USP42: variants seen among roughly 807,000 people sequenced by gnomAD.
The protein encoded by USP42 is ubiquitin specific peptidase 42, also known as ubiquitin carboxyl-terminal hydrolase 42.
Under a neutral mutation model 113.0 loss-of-function variants are expected in USP42, and 23 were observed. That is an observed-to-expected ratio of 0.20 (90% confidence interval 0.15 to 0.29). The LOEUF is 0.29. Ranked by LOEUF, USP42 falls within the 10% of genes least tolerant of loss-of-function variation. The probability of loss-of-function intolerance (pLI) is 1.00; values close to 1 mark genes in which losing one functional copy is unlikely to be tolerated. For missense variants in USP42, 2,174 were observed against 1,779.8 expected (o/e 1.22, Z -3.99); for synonymous variants, 933 against 699.0 (o/e 1.33, Z -5.28).
chr7:6,124,249 C>T (rs1425035387), intron 3 of USP42, among the ~76,000 whole-genome samples: 2 of 151,796 alleles, frequency 1.3e-5, no homozygotes, highest in East Asian at 3.9e-4. Context: ...TTATTTTTGT[C>T]TGTATATTTA....
chr7:6,145,875 A>G (rs140664318), intron 10 of USP42, among the ~76,000 whole-genome samples: 9 of 152,064 alleles, frequency 5.9e-5, no homozygotes, highest in African/African-American at 1.7e-4. Context: ...TTCAAGACCA[A>G]CCTGGCCAAC....
the USP42 span, among the ~76,000 whole-genome samples, chr7:6,096,211 G>A: frequency 6.6e-6 from 1 of 151,178 alleles, no homozygotes; most frequent in Non-Finnish European, 1.5e-5. Flanking sequence ...GGTGGCTCAC[G>A]CCTGTAATCC....
Position 6,154,092 on chromosome 7 carries a change from GGCGTTGGCGGA to G in USP42, c.2539_2549del (p.Ala847SerfsTer67). The G allele has an allele frequency of 6.2e-7, 1 of 1,605,136 alleles. No homozygotes were observed. The highest frequency in any genetic ancestry group is 8.5e-7 in the Non-Finnish European group (1 of 1,178,788). ...TGATCGCGGAGGGCCCGCGGGACTC[GGCGTTGGCGGA>G]AGCCCCGGAAGGGTTGAGTCCGGCT... On this transcript the variant is annotated frameshift_variant, in exon 15 of 18. Transcript: ENST00000306177. LOFTEE classifies it high-confidence loss of function.
At chr7:6,137,831 C>A (rs562964791) in intron 4 of USP42, among the ~76,000 whole-genome samples, 4 of 152,138 alleles carry the variant, frequency 2.6e-5, no homozygotes, top group African/African-American at 9.6e-5. Flanking sequence ...CAGGTGCTTG[C>A]CACTACCCCT....
the USP42 span, among the ~76,000 whole-genome samples, chr7:6,097,386 CTTTTTTTTTTTT>C: frequency 9.2e-6 from 1 of 108,446 alleles, no homozygotes; most frequent in Non-Finnish European, 1.8e-5. Context: ...CCTGTGGGTC[CTTTTTTTTTTTT>C]TTTTTTTTTG....
At chr7:6,108,542 G>A (rs909558271) in intron 1 of USP42, among the ~76,000 whole-genome samples, 6 of 152,012 alleles carry the variant, frequency 3.9e-5, no homozygotes, top group East Asian at 1.9e-4. Context: ...GTGCAGTGGC[G>A]CGATCTCAGC....
At chr7:6,121,509 G>A (rs1164406517) in intron 3 of USP42, among the ~76,000 whole-genome samples, 1 of 151,930 alleles carries the variant, frequency 6.6e-6, no homozygotes, top group Non-Finnish European at 1.5e-5. Flanking sequence ...TGGCATCATG[G>A]CATGTGTTGG....
chr7:6,089,370 G>C, the USP42 span, among the ~76,000 whole-genome samples: 5 of 150,110 alleles, frequency 3.3e-5, no homozygotes, highest in East Asian at 5.9e-4. Context: ...CCTGAGGATT[G>C]GCTACCCCTG....
intron 3 of USP42, among the ~76,000 whole-genome samples, chr7:6,123,564 AG>A (rs1397584927): frequency 6.6e-6 from 1 of 152,126 alleles, no homozygotes; most frequent in African/African-American, 2.4e-5. Context: ...CGGGAGGCTG[AG>A]GCAGGAGAAT....
At chr7:6,100,389 GTAT>G (rs1790083859), upstream of USP42, among the ~76,000 whole-genome samples, 1 of 150,756 alleles carries the variant, frequency 6.6e-6, no homozygotes, top group Admixed American at 6.6e-5. Flanking sequence ...GAGTGCAATG[GTAT>G]GGCCTCAGCT....
chr7:6,108,842 A>T (rs559212093), intron 1 of USP42, among the ~76,000 whole-genome samples: 2 of 152,224 alleles, frequency 1.3e-5, no homozygotes, highest in Admixed American at 6.5e-5. Context: ...GGATCAAATG[A>T]TATACTGTAT....
intron 3 of USP42, among the ~76,000 whole-genome samples, chr7:6,128,972 G>A (rs958110857): frequency 1.3e-5 from 2 of 151,932 alleles, no homozygotes; most frequent in African/African-American, 2.4e-5. Context: ...AGCTGTGCGC[G>A]ACCATGCCTG....
upstream of USP42, among the ~76,000 whole-genome samples, chr7:6,103,956 C>T (rs563276752): frequency 1.3e-5 from 2 of 150,946 alleles, no homozygotes; most frequent in South Asian, 2.1e-4. Flanking sequence ...TGGTAGCGCG[C>T]GTCCGTAGCC....
Position 6,156,869 on chromosome 7 carries a change from G to A in USP42, c.3757G>A (p.Asp1253Asn). The change falls in exon 16 of 18, where the codon GAT (aspartate) becomes AAT (asparagine). Residue 1253 changes from aspartate (D) to asparagine (N), a missense_variant. By Grantham distance (23) the Asp-to-Asn change is conservative. Transcript: ENST00000306177. ...HSRKSEDFVKDSELHLPRVTS... is the reference protein window; with the variant it reads ...HSRKSEDFVKNSELHLPRVTS... ...AAGAAAATCAGAGGACTTTGTTAAAGATTCAGAACTGCACTTACCCAGGGT... is the reference window on the plus strand; with the variant it reads ...AAGAAAATCAGAGGACTTTGTTAAAAATTCAGAACTGCACTTACCCAGGGT... 2 of 1,611,716 alleles carry A rather than the reference G, an allele frequency of 1.2e-6. No individual in the cohort carries two copies. Among genetic ancestry groups the A allele is most frequent in the Non-Finnish European group, 1.7e-6 (2 of 1,179,352 alleles).
chr7:6,123,957 ACT>A (rs1262139339), intron 3 of USP42, among the ~76,000 whole-genome samples: 2 of 151,530 alleles, frequency 1.3e-5, no homozygotes, highest in Non-Finnish European at 2.9e-5. Flanking sequence ...CTCACTGGAA[ACT>A]CTGCCTCCTG....
At chr7:6,116,701 A>C (rs1258386201) in intron 3 of USP42, 1 of 488,424 alleles carries the variant, frequency 2.0e-6, no homozygotes, top group African/African-American at 2.0e-5. Context: ...TAAAGAAACC[A>C]AAGAAAAATC....
rs1429376502 is a variant in USP42 at position 6,154,663 on chromosome 7, T to C, written c.3109T>C (p.Tyr1037His). 5 of 1,606,142 alleles carry C rather than the reference T, an allele frequency of 3.1e-6. No homozygotes were observed. The highest frequency in any genetic ancestry group is 2.2e-5 in the South Asian group (2 of 89,770). Residue 1037 changes from tyrosine to histidine, a missense_variant, in exon 15 of 18, where the codon TAC becomes CAC. Transcript: ENST00000306177. ...GVELDWVRHH[Y>H]TEGERGWGRE... is the part of the protein sequence containing the mutation. Reference sequence around the variant, plus strand: ...GGAGCTGGACTGGGTCAGACACCACTACACCGAGGGCGAGCGTGGCTGGGG... The same window carrying C: ...GGAGCTGGACTGGGTCAGACACCACCACACCGAGGGCGAGCGTGGCTGGGG...
the USP42 span, among the ~76,000 whole-genome samples, chr7:6,085,969 A>G: frequency 2.7e-5 from 4 of 150,752 alleles, no homozygotes; most frequent in Admixed American, 6.6e-5. Context: ...GGAGACCTCA[A>G]TGCCACCACA....
Position 6,149,990 on chromosome 7 carries a change from G to A in USP42, c.1794G>A (p.Lys598=). ...CSQPVMNGKS[K]LNSSVLVPYG... ...AGCCCGTGATGAATGGCAAATCCAA[G>A]CTGAACTCCAGCGTGCTGGTGCCCT... is the stretch of plus-strand genomic sequence containing the variant. Residue 598 remains lysine, a synonymous_variant, in exon 13 of 18, where the codon AAG becomes AAA. Coordinates refer to ENST00000306177, the MANE Select transcript of USP42 (RefSeq NM_032172.3). 6 of 1,613,774 alleles carry A rather than the reference G, an allele frequency of 3.7e-6. No individual in the cohort carries two copies. Among genetic ancestry groups the A allele is most frequent in the Non-Finnish European group, 5.1e-6 (6 of 1,179,790 alleles).
Sources: allele counts gnomAD v4.1 joint callset (sites outside exome capture counted in the v4.1 genomes callset), GRCh38; gene constraint gnomAD v4.1.1; transcripts MANE v1.5; gene names NCBI Gene and HGNC (gene_info 2026-07-23, HGNC 2026-07-21).